The following CSRNP3 variants were observed in gnomAD, a reference collection of about 807,000 sequenced individuals.
The protein encoded by CSRNP3 is cysteine and serine rich nuclear protein 3.
A neutral mutation model predicts 48.0 loss-of-function variants in CSRNP3; 12 were observed. That is an observed-to-expected ratio of 0.25 (90% CI 0.16 to 0.41). CSRNP3 has a LOEUF of 0.41. Ranked by LOEUF, CSRNP3 falls within the 10% of genes least tolerant of loss-of-function variation. CSRNP3 has a pLI of 1.00. For missense variants in CSRNP3, 580 were observed against 724.4 expected, an observed-to-expected ratio of 0.80 and a Z score of 2.29; for synonymous variants, 263 against 269.7, an observed-to-expected ratio of 0.98 and a Z score of 0.24.
chr2:165,636,924 G>A (rs1342557924), intron 4 of CSRNP3, among the ~76,000 whole-genome samples: 1 of 152,130 alleles, frequency 6.6e-6, no homozygotes, highest in Admixed American at 6.6e-5. Flanking sequence ...AGGCAGTAGG[G>A]TTGACCTCTA....
chr2:165,633,775 G>C (rs544611067), intron 4 of CSRNP3, among the ~76,000 whole-genome samples: 5 of 152,170 alleles, frequency 3.3e-5, no homozygotes, highest in Non-Finnish European at 5.9e-5. Context: ...AATATAACTA[G>C]TTACTAAAAT....
At chr2:165,490,821 C>T (rs918971668) in intron 1 of CSRNP3, among the ~76,000 whole-genome samples, 2 of 134,398 alleles carry the variant, frequency 1.5e-5, no homozygotes, top group African/African-American at 5.6e-5. Context: ...AAGATTTAAA[C>T]GTTAGACCCA....
chr2:165,533,809 G>A (rs919987726), intron 3 of CSRNP3, among the ~76,000 whole-genome samples: 1 of 151,774 alleles, frequency 6.6e-6, no homozygotes, highest in Non-Finnish European at 1.5e-5. Context: ...TTACTGATAC[G>A]GGACTAGTAA....
At chr2:165,527,281 A>G (rs936114145) in intron 3 of CSRNP3, among the ~76,000 whole-genome samples, 15 of 136,452 alleles carry the variant, frequency 1.1e-4, no homozygotes, top group African/African-American at 3.4e-4. Flanking sequence ...ATCTTAGCTC[A>G]CTGCAAGCTC....
At chr2:165,649,389 C>A (rs981200404) in intron 4 of CSRNP3, among the ~76,000 whole-genome samples, 7 of 152,158 alleles carry the variant, frequency 4.6e-5, no homozygotes, top group African/African-American at 1.7e-4. Flanking sequence ...GAAATATTTA[C>A]AGCTAAATGG....
At chr2:165,531,974 T>C (rs1275554705) in intron 3 of CSRNP3, among the ~76,000 whole-genome samples, 1 of 152,078 alleles carries the variant, frequency 6.6e-6, no homozygotes, top group Non-Finnish European at 1.5e-5. Flanking sequence ...GTGGATAAAT[T>C]CCTCGACACA....
At chr2:165,529,422 GC>G (rs1403883712) in intron 3 of CSRNP3, among the ~76,000 whole-genome samples, 1 of 152,094 alleles carries the variant, frequency 6.6e-6, no homozygotes, top group Non-Finnish European at 1.5e-5. Context: ...CCCTGCCCAA[GC>G]TCTCATTCCC....
In CSRNP3 at chr2:165,654,077, T is replaced by C. The variant is rs367942652; in HGVS notation, c.149-3684T>C. ...AAACCTTTTTCCTTGTCTATAAATT[T>C]ATGGCCTTGAATAATAATGCCTTTA... On this transcript the variant is annotated intron_variant, in intron 4 of 6. Coordinates refer to ENST00000651982, the MANE Select transcript of CSRNP3 (RefSeq NM_001172173.2). 1.4e-4 allele frequency among the ~76,000 whole-genome samples: 22 copies of C among 151,728 alleles called. No homozygotes were observed. The South Asian group carries it at 4.6e-3, about 32-fold the overall frequency.
At chr2:165,575,576 A>C (rs558264245) in intron 3 of CSRNP3, among the ~76,000 whole-genome samples, 1 of 152,260 alleles carries the variant, frequency 6.6e-6, no homozygotes, top group East Asian at 1.9e-4. Flanking sequence ...GTACATATTT[A>C]GTTAAACTTA....
intron 2 of CSRNP3, among the ~76,000 whole-genome samples, chr2:165,501,954 A>C (rs898126230): frequency 6.6e-6 from 1 of 152,136 alleles, no homozygotes; most frequent in African/African-American, 2.4e-5. Context: ...TTATTACTAA[A>C]TCAGAATTCA....
At chr2:165,508,946 C>T (rs1157801504) in intron 2 of CSRNP3, among the ~76,000 whole-genome samples, 1 of 152,140 alleles carries the variant, frequency 6.6e-6, no homozygotes, top group African/African-American at 2.4e-5. Flanking sequence ...TAGACTTATA[C>T]TTCACCTTTT....
At chr2:165,599,099 A>G (rs1015410507) in intron 4 of CSRNP3, among the ~76,000 whole-genome samples, 2 of 151,672 alleles carry the variant, frequency 1.3e-5, no homozygotes, top group African/African-American at 4.8e-5. Flanking sequence ...ATAGCCAAGT[A>G]TGGTGGTGCA....
At chr2:165,496,423 C>T (rs550077390) in intron 2 of CSRNP3, among the ~76,000 whole-genome samples, 14 of 152,154 alleles carry the variant, frequency 9.2e-5, no homozygotes, top group South Asian at 2.1e-4. Flanking sequence ...TTATCTAAAA[C>T]GCCTAGAAGA....
intron 3 of CSRNP3, among the ~76,000 whole-genome samples, chr2:165,566,011 C>T (rs963272922): frequency 6.6e-6 from 1 of 151,916 alleles, no homozygotes; most frequent in East Asian, 1.9e-4. Flanking sequence ...ACAGAATCGT[C>T]TATCTGGGTT....
intron 3 of CSRNP3, among the ~76,000 whole-genome samples, chr2:165,578,286 G>A (rs1372213739): frequency 6.6e-6 from 1 of 151,976 alleles, no homozygotes; most frequent in African/African-American, 2.4e-5. Context: ...TTATCTCCAT[G>A]CAAGCTTATG....
intron 3 of CSRNP3, among the ~76,000 whole-genome samples, chr2:165,534,300 T>G (rs1338002335): frequency 6.6e-6 from 1 of 151,956 alleles, no homozygotes; most frequent in Admixed American, 6.6e-5. Flanking sequence ...TGCACATTTT[T>G]TGGTATCTAT....
intron 3 of CSRNP3, among the ~76,000 whole-genome samples, chr2:165,582,303 G>A (rs1158161303): frequency 6.6e-6 from 1 of 152,216 alleles, no homozygotes. Flanking sequence ...GCTAACTGGA[G>A]TTATTATAAA....
At chr2:165,617,340 A>G (rs1686264551) in intron 4 of CSRNP3, among the ~76,000 whole-genome samples, 1 of 150,752 alleles carries the variant, frequency 6.6e-6, no homozygotes, top group East Asian at 1.9e-4. Context: ...AGATGCATCT[A>G]TAGTGTAAAT....
chr2:165,634,295 G>T (rs536716284), intron 4 of CSRNP3, among the ~76,000 whole-genome samples: 11 of 151,918 alleles, frequency 7.2e-5, no homozygotes, highest in Non-Finnish European at 1.5e-4. Flanking sequence ...AGCTGAGATC[G>T]CACCACTGCA....
Sources: allele counts gnomAD v4.1 joint callset (sites outside exome capture counted in the v4.1 genomes callset), GRCh38; gene constraint gnomAD v4.1.1; transcripts MANE v1.5; gene names NCBI Gene and HGNC (gene_info 2026-07-23, HGNC 2026-07-21).